The following TMEM132C variants were observed in gnomAD, a reference collection of about 807,000 sequenced individuals.
The protein encoded by TMEM132C is transmembrane protein 132C.
A neutral mutation model predicts 61.4 loss-of-function variants in TMEM132C; 29 were observed. The ratio of observed to expected loss-of-function variants is 0.47; its 90% confidence interval spans 0.35 to 0.64. TMEM132C has a LOEUF of 0.64. Ranked by LOEUF, TMEM132C falls within the 30% of genes least tolerant of loss-of-function variation. The pLI is 0.00. For synonymous variants in TMEM132C, 656 were observed against 633.1 expected (o/e 1.04, Z -0.54); for missense variants, 1,408 against 1,476.9 (o/e 0.95, Z 0.76).
At chr12:128,441,265 A>G (rs1031427851) in intron 2 of TMEM132C, among the ~76,000 whole-genome samples, 3 of 152,166 alleles carry the variant, frequency 2.0e-5, no homozygotes, top group African/African-American at 7.2e-5. Flanking sequence ...CATCCAGTTC[A>G]CTGGACTACT....
In TMEM132C at chr12:128,659,233, A is replaced by G. The variant is rs189234676; in HGVS notation, c.1306-10184A>G. 1.0e-3 allele frequency among the ~76,000 whole-genome samples: 152 copies of G among 152,324 alleles called. 1 individual carries two copies. Among genetic ancestry groups the G allele is most frequent in the Admixed American group, 7.5e-3 (115 of 15,300 alleles). On this transcript the variant is annotated intron_variant, in intron 4 of 8. Coordinates refer to ENST00000435159, the MANE Select transcript of TMEM132C (RefSeq NM_001136103.3). ...AATCATTCTTGGCTAACAAATTTAC[A>G]TAAAAACTTGCCATGGACAGGAATT...
intron 1 of TMEM132C, among the ~76,000 whole-genome samples, chr12:128,293,863 A>G (rs947892551): frequency 6.6e-6 from 1 of 152,180 alleles, no homozygotes; most frequent in African/African-American, 2.4e-5. Context: ...CAAAAGCACA[A>G]TTCCTATTAA....
chr12:128,402,593 GC>G (rs1875199999), intron 1 of TMEM132C, among the ~76,000 whole-genome samples: 1 of 152,146 alleles, frequency 6.6e-6, no homozygotes, highest in Non-Finnish European at 1.5e-5. Context: ...TCCTGGGAGA[GC>G]CCCAGCCTGA....
chr12:128,431,623 C>T (rs973561003), intron 2 of TMEM132C, among the ~76,000 whole-genome samples: 9 of 143,288 alleles, frequency 6.3e-5, no homozygotes, highest in African/African-American at 1.9e-4. Context: ...GGCACGATCT[C>T]GGCTCACTGC....
intron 2 of TMEM132C, among the ~76,000 whole-genome samples, chr12:128,516,232 A>T (rs189092939): frequency 6.6e-6 from 1 of 152,080 alleles, no homozygotes; most frequent in South Asian, 2.1e-4. Context: ...TAGGAGCCAA[A>T]CACGAGACAC....
At chr12:128,536,593 T>A (rs534453048) in intron 2 of TMEM132C, among the ~76,000 whole-genome samples, 3 of 152,126 alleles carry the variant, frequency 2.0e-5, no homozygotes, top group Non-Finnish European at 4.4e-5. Context: ...GTTGGACTCC[T>A]AAGTTTGGCA....
intron 1 of TMEM132C, among the ~76,000 whole-genome samples, chr12:128,345,081 AG>A (rs1184759398): frequency 6.6e-6 from 1 of 151,604 alleles, no homozygotes; most frequent in African/African-American, 2.4e-5. Flanking sequence ...ACCCTCTAAC[AG>A]GCCTCAGTGT....
chr12:128,603,540 G>A (rs1876282222), intron 3 of TMEM132C, among the ~76,000 whole-genome samples: 1 of 152,190 alleles, frequency 6.6e-6, no homozygotes. Context: ...GTCTGGCCAG[G>A]AGTGGATGCT....
At chr12:128,503,281 T>G (rs941307944) in intron 2 of TMEM132C, among the ~76,000 whole-genome samples, 6 of 152,216 alleles carry the variant, frequency 3.9e-5, no homozygotes, top group Non-Finnish European at 7.3e-5. Flanking sequence ...ATGTACAGTT[T>G]TCAGAGTCAA....
intron 1 of TMEM132C, among the ~76,000 whole-genome samples, chr12:128,405,979 G>T (rs1197889110): frequency 1.3e-5 from 2 of 152,218 alleles, no homozygotes; most frequent in African/African-American, 2.4e-5. Context: ...CTTGTCTGCT[G>T]CAACAATTGT....
At chr12:128,388,829 A>G (rs1315171153) in intron 1 of TMEM132C, among the ~76,000 whole-genome samples, 7 of 152,246 alleles carry the variant, frequency 4.6e-5, no homozygotes, top group Non-Finnish European at 1.0e-4. Flanking sequence ...TTGATGCAAT[A>G]ACGGGGAGGA....
intron 1 of TMEM132C, among the ~76,000 whole-genome samples, chr12:128,392,016 T>C (rs1874778511): frequency 6.6e-6 from 1 of 152,004 alleles, no homozygotes; most frequent in African/African-American, 2.4e-5. Context: ...TAATTAAAAT[T>C]TGCAGTCTCC....
intron 1 of TMEM132C, among the ~76,000 whole-genome samples, chr12:128,383,603 G>A (rs1393403509): frequency 1.3e-5 from 2 of 152,142 alleles, no homozygotes; most frequent in African/African-American, 4.8e-5. Flanking sequence ...AAGTTCAAAC[G>A]GAATTTCTCT....
intron 2 of TMEM132C, among the ~76,000 whole-genome samples, chr12:128,479,172 T>C (rs546247282): frequency 6.6e-6 from 1 of 152,214 alleles, no homozygotes; most frequent in Admixed American, 6.5e-5. Context: ...GATGAGAACA[T>C]ACCTAGAGGG....
chr12:128,392,076 C>G (rs1358401672), intron 1 of TMEM132C, among the ~76,000 whole-genome samples: 3 of 151,646 alleles, frequency 2.0e-5, no homozygotes, highest in African/African-American at 4.9e-5. Flanking sequence ...CTCTCTCTCT[C>G]TCTCTCTCTC....
At chr12:128,670,396 G>A (rs12811924) in intron 5 of TMEM132C, among the ~76,000 whole-genome samples, 17,749 of 152,132 alleles carry the variant, frequency 0.12, 1,081 homozygotes, top group East Asian at 0.18. Flanking sequence ...CTGTCTAACT[G>A]ATATTTTGTA....
chr12:128,535,912 G>A (rs1489371831), intron 2 of TMEM132C, among the ~76,000 whole-genome samples: 2 of 151,994 alleles, frequency 1.3e-5, no homozygotes, highest in Admixed American at 1.3e-4. Context: ...AAAGGATGTG[G>A]AGAAATAGGA....
At chr12:128,597,278 G>A (rs1342120713) in intron 3 of TMEM132C, among the ~76,000 whole-genome samples, 1 of 151,920 alleles carries the variant, frequency 6.6e-6, no homozygotes, top group African/African-American at 2.4e-5. Context: ...TCAGGAGTTT[G>A]AGACCAGCCT....
chr12:128,665,538 C>T (rs1316132650), intron 4 of TMEM132C, among the ~76,000 whole-genome samples: 3 of 147,272 alleles, frequency 2.0e-5, no homozygotes, highest in Non-Finnish European at 4.5e-5. Flanking sequence ...TACACAAATG[C>T]AGGCGCAAAA....
Sources: gnomAD v4.1 joint callset for allele counts (sites outside exome capture counted in the v4.1 genomes callset) on GRCh38, gnomAD v4.1.1 for gene constraint, MANE v1.5 for transcripts, NCBI Gene and HGNC (gene_info 2026-07-23, HGNC 2026-07-21) for gene names.